The following ITGA8 variants were observed in gnomAD, a reference collection of about 807,000 sequenced individuals.
ITGA8 encodes the protein integrin subunit alpha 8.
A neutral mutation model predicts 142.3 loss-of-function variants in ITGA8; 91 were observed. The observed-to-expected ratio is 0.64, with a 90% confidence interval of 0.54 to 0.76. The LOEUF (loss-of-function observed/expected upper bound fraction) is 0.76, where lower values mean the gene tolerates loss of function less well. Among genes scored for constraint, ITGA8 ranks in the 30% least tolerant of loss-of-function variants. The pLI is 0.00. For missense variants in ITGA8, 1,406 were observed against 1,327.7 expected (o/e 1.06, Z -0.92); for synonymous variants, 505 against 485.2 (o/e 1.04, Z -0.54).
chr10:15,591,342 A>G (rs1832918351), intron 22 of ITGA8, among the ~76,000 whole-genome samples: 1 of 150,698 alleles, frequency 6.6e-6, no homozygotes, highest in African/African-American at 2.4e-5. Context: ...CATACATCTC[A>G]CTAGACATCT....
intron 7 of ITGA8, 22 bp from the exon 8 acceptor site, chr10:15,671,669 A>C: frequency 6.3e-7 from 1 of 1,587,878 alleles, no homozygotes; most frequent in Non-Finnish European, 8.6e-7. Context: ...AAAAAGAAAC[A>C]AACTAATCAC....
chr10:15,668,850 C>T (rs1335262025), intron 8 of ITGA8, among the ~76,000 whole-genome samples: 1 of 152,218 alleles, frequency 6.6e-6, no homozygotes, highest in Admixed American at 6.5e-5. Flanking sequence ...TATTGGTCCC[C>T]ACTCTCTTCT....
At chr10:15,665,677 T>A (rs1834376528) in intron 8 of ITGA8, among the ~76,000 whole-genome samples, 1 of 152,268 alleles carries the variant, frequency 6.6e-6, no homozygotes, top group African/African-American at 2.4e-5. Flanking sequence ...TTAATCCATC[T>A]TGAATTAATT....
Position 15,644,182 on chromosome 10 carries a change from C to T in ITGA8, c.1247G>A (p.Arg416Lys). Reference protein sequence around the residue: ...IGVPFAGKDQRGKVLIYNGNK... With the variant: ...IGVPFAGKDQKGKVLIYNGNK... ...CCCATTATAAATGAGCACTTTGCCTCTTTGATCCTTGCCTGCAAAAGGCAC... is the reference window on the plus strand; with the variant it reads ...CCCATTATAAATGAGCACTTTGCCTTTTTGATCCTTGCCTGCAAAAGGCAC... The change falls in exon 13 of 30, where the codon AGA (arginine) becomes AAA (lysine). Residue 416 changes from arginine (R) to lysine (K), a missense_variant. Arg to Lys is a conservative substitution (Grantham distance 26). Transcript: ENST00000378076. The T allele has an allele frequency of 6.2e-7, 1 of 1,613,914 alleles. No individual in the cohort carries two copies.
chr10:15,586,351 G>A (rs1451509245), intron 23 of ITGA8, among the ~76,000 whole-genome samples: 2 of 151,918 alleles, frequency 1.3e-5, no homozygotes, highest in African/African-American at 2.4e-5. Flanking sequence ...GAGCCACCGC[G>A]CCTGGCATAA....
chr10:15,578,117 T>A (rs576709126), intron 23 of ITGA8, among the ~76,000 whole-genome samples: 2 of 152,250 alleles, frequency 1.3e-5, no homozygotes, highest in East Asian at 3.9e-4. Flanking sequence ...GTCATTGACA[T>A]AGTCAAGAAC....
At chr10:15,555,413 A>T (rs1833869320) in intron 26 of ITGA8, among the ~76,000 whole-genome samples, 1 of 152,196 alleles carries the variant, frequency 6.6e-6, no homozygotes, top group Non-Finnish European at 1.5e-5. Flanking sequence ...ACATGTTGAG[A>T]AAACAACACT....
intron 27 of ITGA8, among the ~76,000 whole-genome samples, chr10:15,547,708 T>G (rs894315336): frequency 2.0e-5 from 3 of 152,246 alleles, no homozygotes; most frequent in Admixed American, 6.5e-5. Flanking sequence ...GCTGAGGTGC[T>G]GTCCTGGTTG....
intron 8 of ITGA8, among the ~76,000 whole-genome samples, chr10:15,662,926 A>G (rs1240504331): frequency 6.6e-6 from 1 of 152,240 alleles, no homozygotes; most frequent in Non-Finnish European, 1.5e-5. Flanking sequence ...AGTGACAACA[A>G]AGGCTCTTAA....
intron 2 of ITGA8, among the ~76,000 whole-genome samples, chr10:15,691,278 A>G (rs1444247980): frequency 1.3e-5 from 2 of 152,200 alleles, no homozygotes; most frequent in African/African-American, 4.8e-5. Context: ...GAAAAACATT[A>G]AAGGAAGTTC....
intron 4 of ITGA8, among the ~76,000 whole-genome samples, chr10:15,679,771 G>T (rs1834701130): frequency 6.6e-6 from 1 of 152,092 alleles, no homozygotes; most frequent in Non-Finnish European, 1.5e-5. Context: ...GGATCTCATG[G>T]TACAGTTGTA....
intron 6 of ITGA8, 64 bp from the exon 7 acceptor site, chr10:15,672,813 A>C (rs1834552502): frequency 6.9e-7 from 1 of 1,446,494 alleles, no homozygotes; most frequent in Middle Eastern, 1.8e-4. Flanking sequence ...CCATGAGCAG[A>C]CCCACATTCC....
At chr10:15,618,667 G>A (rs1297638298) in intron 13 of ITGA8, among the ~76,000 whole-genome samples, 1 of 152,160 alleles carries the variant, frequency 6.6e-6, no homozygotes, top group Non-Finnish European at 1.5e-5. Flanking sequence ...AAAGCAGGCA[G>A]AGGAACGACA....
At chr10:15,695,608 T>A (rs1457490132) in intron 2 of ITGA8, among the ~76,000 whole-genome samples, 1 of 152,170 alleles carries the variant, frequency 6.6e-6, no homozygotes, top group Non-Finnish European at 1.5e-5. Context: ...GAAAACTACT[T>A]CCAAGTAATG....
intron 29 of ITGA8, 80 bp from the exon 30 acceptor site, chr10:15,517,324 A>G (rs1832982871): frequency 1.1e-6 from 1 of 951,642 alleles, no homozygotes; most frequent in Non-Finnish European, 1.6e-6. Flanking sequence ...TTTTCACTTT[A>G]TGTATTTTTT....
At chr10:15,608,971 A>G (rs1833246626) in intron 15 of ITGA8, among the ~76,000 whole-genome samples, 1 of 152,164 alleles carries the variant, frequency 6.6e-6, no homozygotes, top group Non-Finnish European at 1.5e-5. Flanking sequence ...CAGGAAGTTT[A>G]GCATGGCTGT....
At position 15,670,796 on chromosome 10, in the gene ITGA8, C is replaced by G. The variant is rs184245487; in HGVS notation, c.847+807G>C. ...AGATCCCAGAATTGTTTCCATGACC[C>G]GTAAAACCGGACATGAGCTGAGCCC... On this transcript the variant is annotated intron_variant, in intron 8 of 29. Transcript: ENST00000378076. Among the ~76,000 whole-genome samples, 3 of 152,272 alleles carry G rather than the reference C, an allele frequency of 2.0e-5. No individual in the cohort carries two copies. In the East Asian group the frequency reaches 5.8e-4, roughly 29 times the overall value.
chr10:15,586,502 A>T, intron 23 of ITGA8, 82 bp downstream of exon 23: 1 of 811,396 alleles, frequency 1.2e-6, no homozygotes, highest in Middle Eastern at 2.3e-4. Flanking sequence ...TGCATCAGGA[A>T]AATTCCACAT....
rs113469834 is a variant in ITGA8 at position 15,537,980 on chromosome 10, A to C, written c.2881-6829T>G. On this transcript the variant is annotated intron_variant, in intron 27 of 29. Transcript: ENST00000378076. ...AAAAAACAAAACAAAACAAAAAAAA[A>C]ACACAAAAATTAGCCAGGTCTGGTG... Among the ~76,000 whole-genome samples the C allele has an allele frequency of 1.3e-4, 20 of 152,132 alleles. 3 individuals are homozygous for C. Among genetic ancestry groups the C allele is most frequent in the African/African-American group, 3.4e-4 (14 of 41,480 alleles).
Sources: allele counts gnomAD v4.1 joint callset (sites outside exome capture counted in the v4.1 genomes callset), GRCh38; gene constraint gnomAD v4.1.1; transcripts MANE v1.5; gene names NCBI Gene and HGNC (gene_info 2026-07-23, HGNC 2026-07-21).